The following DOT1L variants were observed in gnomAD, a reference collection of about 807,000 sequenced individuals.
DOT1L encodes the protein histone-lysine N-methyltransferase, H3 lysine-79 specific.
DOT1L carries 33 observed loss-of-function variants against 153.3 expected under a neutral mutation model. That is an observed-to-expected ratio of 0.22 (90% CI 0.16 to 0.29). The LOEUF (loss-of-function observed/expected upper bound fraction) is 0.29. Among genes scored for constraint, DOT1L ranks in the 10% least tolerant of loss-of-function variants. The pLI is 1.00. For synonymous variants in DOT1L, 1,135 were observed against 965.1 expected, an observed-to-expected ratio of 1.18 and a Z score of -3.26; for missense variants, 1,847 against 2,119.9, an observed-to-expected ratio of 0.87 and a Z score of 2.53.
intron 1 of DOT1L, among the ~76,000 whole-genome samples, chr19:2,167,411 C>A (rs1017944560): frequency 5.8e-4 from 88 of 152,352 alleles, no homozygotes; most frequent in Non-Finnish European, 4.3e-4. Context: ...CGCATGCCTG[C>A]TGCCCTGCCT....
rs374392653 is a variant in DOT1L, at chr19:2,226,279, T to C, written c.3758T>C (p.Leu1253Pro). ...TTCTCGCCCATCTCCGACATCGGCC[T>C]GGCCAAGTCGGCGGACAGCCCGCTG... is the stretch of plus-strand genomic sequence containing the variant. Reference protein sequence around the residue: ...STFSPISDIGLAKSADSPLQA... With the variant: ...STFSPISDIGPAKSADSPLQA... The change falls in exon 27 of 28, where the codon CTG becomes CCG. Residue 1253 changes from leucine (L) to proline (P), a missense_variant. By Grantham distance (98) the Leu-to-Pro change is moderately conservative. Transcript: ENST00000398665. 1.3e-6 allele frequency: 2 copies of C among 1,597,232 alleles called. No homozygotes were observed. Among genetic ancestry groups the C allele is most frequent in the Admixed American group, 1.7e-5 (1 of 58,512 alleles).
chr19:2,206,822 G>C, intron 10 of DOT1L, 25 bp downstream of exon 10: 2 of 1,604,564 alleles, frequency 1.2e-6, no homozygotes, highest in Non-Finnish European at 1.7e-6. Flanking sequence ...TGTTGTTAAT[G>C]ATGAACACGG....
In DOT1L at chr19:2,229,886, CT is replaced by C; in HGVS notation, c.*95del. ...CCGCCGGCCTGCCGGGCTCCCACCC[CT>C]GGACGGCAGAGGCAAGGACGGACGG... is the stretch of plus-strand genomic sequence containing the variant. On this transcript the variant is annotated 3_prime_UTR_variant, in exon 28 of 28. Coordinates refer to ENST00000398665, the MANE Select transcript of DOT1L (RefSeq NM_032482.3). The C allele has an allele frequency of 6.2e-7, 1 of 1,608,160 alleles. No homozygotes were observed. Among genetic ancestry groups the C allele is most frequent in the South Asian group, 1.1e-5 (1 of 90,958 alleles).
rs112052747 is a variant in DOT1L at position 2,226,389 on chromosome 19, G to A, written c.3868G>A (p.Ala1290Thr). The A allele has an allele frequency of 1.3e-5, 21 of 1,592,782 alleles. No individual in the cohort carries two copies. Among genetic ancestry groups the A allele is most frequent in the Non-Finnish European group, 1.1e-5 (13 of 1,172,098 alleles). The change falls in exon 27 of 28, where the codon GCT (alanine) becomes ACT (threonine). Residue 1290 changes from alanine to threonine, a missense_variant. Transcript: ENST00000398665. ...GCCCTCTGCCGATGCCAAGCTGGCCGCTCACCCCAGGAAAGGCTTTCCCGG... is the reference window on the plus strand; with the variant it reads ...GCCCTCTGCCGATGCCAAGCTGGCCACTCACCCCAGGAAAGGCTTTCCCGG... ...EEPSADAKLAAHPRKGFPGSL... is the reference protein window; with the variant it reads ...EEPSADAKLATHPRKGFPGSL...
chr19:2,166,451 G>A (rs111319454), intron 1 of DOT1L, among the ~76,000 whole-genome samples: 19 of 149,584 alleles, frequency 1.3e-4, no homozygotes, highest in African/African-American at 4.7e-4. Flanking sequence ...TGCTTTTGTT[G>A]CCCAGACTGG....
At chr19:2,206,134 A>C (rs2023481337) in intron 9 of DOT1L, among the ~76,000 whole-genome samples, 1 of 151,860 alleles carries the variant, frequency 6.6e-6, no homozygotes, top group Admixed American at 6.6e-5. Context: ...AGTAGCTGGG[A>C]TTACAGATGT....
rs1278155850 is a variant in DOT1L, at chr19:2,204,277, G to C, written c.787+1498G>C. On this transcript the variant is annotated intron_variant, in intron 9 of 27. Coordinates refer to ENST00000398665, the MANE Select transcript of DOT1L (RefSeq NM_032482.3). This position sits in a 1 kb window ranked among gnomAD's most constrained non-coding sequence, Gnocchi z 5.7. ...CGTGTGCCTCCGTGTCTATGTATGT[G>C]TCTGCTTGTTTGTCTGTGTGTGTGC... 6.6e-6 allele frequency among the ~76,000 whole-genome samples: 1 copy of C among 152,006 alleles called. No homozygotes were observed. Among genetic ancestry groups the C allele is most frequent in the Non-Finnish European group, 1.5e-5 (1 of 68,010 alleles).
intron 1 of DOT1L, among the ~76,000 whole-genome samples, chr19:2,179,232 G>C (rs972517887): frequency 6.6e-6 from 1 of 152,228 alleles, no homozygotes. Context: ...CTGGGCCTTG[G>C]GAGGCTCGTG....
At chr19:2,176,230 C>T (rs1568329543) in intron 1 of DOT1L, among the ~76,000 whole-genome samples, 4 of 151,926 alleles carry the variant, frequency 2.6e-5, no homozygotes, top group Admixed American at 2.0e-4. Context: ...GCCCTCGGTC[C>T]ACACAGCATC....
intron 12 of DOT1L, 97 bp downstream of exon 12, chr19:2,209,073 GGA>G: frequency 1.4e-6 from 2 of 1,404,612 alleles, no homozygotes. Context: ...AGCCACGACT[GGA>G]GCACAGCCCT....
intron 8 of DOT1L, among the ~76,000 whole-genome samples, chr19:2,201,079 G>C (rs1318957858): frequency 0.12 from 1,322 of 11,122 alleles, no homozygotes; most frequent in Admixed American, 0.17. Flanking sequence ...ATTCCTCGTC[G>C]TCCCCTCATT....
chr19:2,203,561 G>T (rs954417296), intron 9 of DOT1L, among the ~76,000 whole-genome samples: 1 of 152,222 alleles, frequency 6.6e-6, no homozygotes, highest in Non-Finnish European at 1.5e-5. Context: ...CCGGAGAAAG[G>T]TCACCAGGCC....
intron 17 of DOT1L, 30 bp from the exon 18 acceptor site, chr19:2,213,819 C>T (rs2023800739): frequency 1.9e-6 from 3 of 1,612,220 alleles, no homozygotes; most frequent in African/African-American, 2.7e-5. Context: ...AGGCCACCAG[C>T]ATGACCTCTC....
At position 2,210,411 on chromosome 19, in the gene DOT1L, G is replaced by A. The variant is rs1440642922; in HGVS notation, c.1017G>A (p.Glu339=). ...LKNPKLREEQ[E]AARRRQQRES... Reference sequence around the variant, plus strand: ...TGCTCTCCTTCCAGGAGGAACAGGAGGCAGCCCGGCGCCGCCAGCAGCGCG... The same window carrying A: ...TGCTCTCCTTCCAGGAGGAACAGGAAGCAGCCCGGCGCCGCCAGCAGCGCG... The change falls in exon 13 of 28, where the codon GAG becomes GAA. Residue 339 remains glutamate (E), a synonymous_variant. Transcript: ENST00000398665. The A allele has an allele frequency of 2.6e-6, 4 of 1,541,866 alleles. No homozygotes were observed. Among genetic ancestry groups the A allele is most frequent in the Non-Finnish European group, 2.6e-6 (3 of 1,146,372 alleles).
At chr19:2,188,401 G>A (rs2022633811) in intron 3 of DOT1L, 1 of 151,558 alleles carries the variant, frequency 6.6e-6, no homozygotes, top group Admixed American at 6.6e-5. Flanking sequence ...GGCTCTTGGG[G>A]TTGCCATTGG....
At chr19:2,205,292 CCTT>C (rs1568352002) in intron 9 of DOT1L, among the ~76,000 whole-genome samples, 1 of 152,134 alleles carries the variant, frequency 6.6e-6, no homozygotes. Context: ...TTTATGATTA[CCTT>C]CTTTATATGT....
Position 2,230,027 on chromosome 19 carries a change from T to G in DOT1L, c.*235T>G. 1.5e-6 allele frequency: 1 copy of G among 673,232 alleles called. No individual in the cohort carries two copies. The highest frequency in any genetic ancestry group is 2.0e-5 in the South Asian group (1 of 50,256). 41.7% of individuals were successfully genotyped at this position (673,232 alleles called of 1,614,324 possible). On this transcript the variant is annotated 3_prime_UTR_variant, in exon 28 of 28. Coordinates refer to ENST00000398665, the MANE Select transcript of DOT1L (RefSeq NM_032482.3). ...ATTTTTTAAAAAGTATAAACAATTC[T>G]GACTTATTTTATTCCATCTAAGTGG...
chr19:2,231,332 T>C lies in DOT1L; in HGVS notation c.*1540T>C, dbSNP rs2024589233. 1 of 214,376 alleles carries C rather than the reference T, an allele frequency of 4.7e-6. No individual in the cohort carries two copies. Among genetic ancestry groups the C allele is most frequent in the Non-Finnish European group, 9.4e-6 (1 of 106,206 alleles). The allele number at this position is 214,376 out of a possible 1,614,324, so 13.3% of individuals were successfully genotyped here. On this transcript the variant is annotated 3_prime_UTR_variant, in exon 28 of 28. Transcript: ENST00000398665. ...CTCCAGGGAGCTGCCAGCCCTGTGT[T>C]CTGGTTCCCAAGGGCAGGATGGACA...
At position 2,222,284 on chromosome 19, in the gene DOT1L, AGT is replaced by A; in HGVS notation, c.3117_3118del (p.Ser1039ArgfsTer94). 1 of 1,613,078 alleles carries A rather than the reference AGT, an allele frequency of 6.2e-7. No homozygotes were observed. On this transcript the variant is annotated frameshift_variant, in exon 24 of 28. Coordinates refer to ENST00000398665, the MANE Select transcript of DOT1L (RefSeq NM_032482.3). LOFTEE classifies it high-confidence loss of function. The surrounding 1 kb of genome is among the most constrained non-coding windows in gnomAD (Gnocchi z 6.5). ...CGATTCCGGCTTCTCAGATCCTGAG[AGT>A]GAAGCCAAGAGGAGGATTGTGTTCA... The part of the protein sequence containing the change: ...PSDSGFSDPE[S>X]EAKRRIVFTI...
Sources: allele counts gnomAD v4.1 joint callset (sites outside exome capture counted in the v4.1 genomes callset), GRCh38; gene constraint gnomAD v4.1.1; non-coding constraint Gnocchi (gnomAD v3.1); transcripts MANE v1.5; gene names NCBI Gene and HGNC (gene_info 2026-07-23, HGNC 2026-07-21).